The following PEAK1 variants were observed in gnomAD, a reference collection of about 807,000 sequenced individuals.
PEAK1 encodes the protein pseudopodium enriched atypical kinase 1.
Under a neutral mutation model 124.7 loss-of-function variants are expected in PEAK1, and 54 were observed. The observed-to-expected ratio is 0.43, with a 90% CI of 0.35 to 0.54. The LOEUF is 0.54. PEAK1 is among the 20% of genes least tolerant of loss of function. The pLI, the probability that PEAK1 is intolerant of heterozygous loss-of-function variation, is 0.01. For synonymous variants in PEAK1, 719 were observed against 760.0 expected (o/e 0.95, Z 0.89); for missense variants, 2,046 against 2,134.5 (o/e 0.96, Z 0.82).
At chr15:77,334,279 A>C (rs961453031) in intron 2 of PEAK1, 1 of 985,020 alleles carries the variant, frequency 1.0e-6, no homozygotes, top group Non-Finnish European at 1.2e-6. Flanking sequence ...CTGGTAGATC[A>C]CTTGTGCATA....
chr15:77,256,202 G>C (rs536535928), intron 5 of PEAK1, among the ~76,000 whole-genome samples: 1 of 152,124 alleles, frequency 6.6e-6, no homozygotes, highest in African/African-American at 2.4e-5. Context: ...AATTAGCCTT[G>C]CATGACTGAA....
At chr15:77,252,742 A>T (rs1160298527) in intron 5 of PEAK1, among the ~76,000 whole-genome samples, 4 of 152,208 alleles carry the variant, frequency 2.6e-5, no homozygotes, top group African/African-American at 7.2e-5. Flanking sequence ...GTAACTTACA[A>T]GAACCGAAAG....
chr15:77,381,669 T>G (rs2141823260), intron 1 of PEAK1, among the ~76,000 whole-genome samples: 1 of 152,278 alleles, frequency 6.6e-6, no homozygotes, highest in Non-Finnish European at 1.5e-5. Flanking sequence ...TCCCAACATT[T>G]TCTCCAAAAA....
intron 1 of PEAK1, among the ~76,000 whole-genome samples, chr15:77,385,550 A>C (rs182189663): frequency 6.6e-6 from 1 of 152,298 alleles, no homozygotes; most frequent in African/African-American, 2.4e-5. Context: ...AAAGGTAAGG[A>C]CATAGATATG....
At chr15:77,155,173 T>A (rs973039993) in intron 8 of PEAK1, 2 of 152,186 alleles carry the variant, frequency 1.3e-5, no homozygotes, top group African/African-American at 4.8e-5. Flanking sequence ...CTTGGAGGCT[T>A]TGTTCATTTC....
Position 77,133,730 on chromosome 15 carries a change from T to A in PEAK1, c.3352A>T (p.Ile1118Leu), listed in dbSNP as rs754678942. ...SNLGQSRAAMIPPKQPRQPKG... is the reference protein window; with the variant it reads ...SNLGQSRAAMLPPKQPRQPKG... ...GGCTGTCGTGGCTGCTTGGGAGGTA[T>A]CATGGCTGCTCTAGATTGCCCTGTA... Residue 1118 changes from isoleucine to leucine, a missense_variant, in exon 9 of 10, where the codon ATA (isoleucine) becomes TTA (leucine). Ile to Leu is a conservative substitution (Grantham distance 5). Transcript: ENST00000682557. This position sits in a 1 kb window ranked among gnomAD's most constrained non-coding sequence, Gnocchi z 4.2. 6.2e-7 allele frequency: 1 copy of A among 1,605,298 alleles called. No homozygotes were observed. The highest frequency in any genetic ancestry group is 1.1e-5 in the South Asian group (1 of 89,732).
At chr15:77,232,877 C>T (rs748517755) in intron 6 of PEAK1, among the ~76,000 whole-genome samples, 1 of 152,178 alleles carries the variant, frequency 6.6e-6, no homozygotes, top group Non-Finnish European at 1.5e-5. Flanking sequence ...TCCTGAGTAG[C>T]TGGGATAACA....
intron 9 of PEAK1, among the ~76,000 whole-genome samples, chr15:77,129,010 C>T (rs1173317338): frequency 6.6e-6 from 1 of 152,106 alleles, no homozygotes; most frequent in Non-Finnish European, 1.5e-5. Context: ...ATCCTTAACC[C>T]CCAATGTGAG....
At chr15:77,190,547 A>C (rs1348079094) in intron 6 of PEAK1, among the ~76,000 whole-genome samples, 2 of 152,220 alleles carry the variant, frequency 1.3e-5, no homozygotes, top group Non-Finnish European at 2.9e-5. Context: ...GGATCATTGC[A>C]ATGGCCATAT....
At chr15:77,344,503 C>T (rs543870054) in intron 2 of PEAK1, among the ~76,000 whole-genome samples, 2 of 152,320 alleles carry the variant, frequency 1.3e-5, no homozygotes, top group Admixed American at 6.5e-5. Context: ...AGTGAGAGAC[C>T]TCCAACTCTG....
chr15:77,266,491 A>G (rs1313142026), intron 5 of PEAK1, among the ~76,000 whole-genome samples: 2 of 152,146 alleles, frequency 1.3e-5, no homozygotes, highest in Non-Finnish European at 2.9e-5. Flanking sequence ...TCCCCCTGCC[A>G]GGATACTATT....
chr15:77,316,518 T>TA (rs1422871257), intron 2 of PEAK1, among the ~76,000 whole-genome samples: 1 of 152,252 alleles, frequency 6.6e-6, no homozygotes, highest in Non-Finnish European at 1.5e-5. Flanking sequence ...TAGCTCCCTG[T>TA]ACTGCTCTTT....
intron 6 of PEAK1, among the ~76,000 whole-genome samples, chr15:77,242,451 A>G (rs2060400458): frequency 6.6e-6 from 1 of 152,150 alleles, no homozygotes; most frequent in African/African-American, 2.4e-5. Flanking sequence ...TACTGCTTTA[A>G]TAAGACATTA....
chr15:77,293,571 A>T (rs2152982843), intron 2 of PEAK1, among the ~76,000 whole-genome samples: 1 of 152,246 alleles, frequency 6.6e-6, no homozygotes, highest in Middle Eastern at 3.4e-3. Context: ...AGCCCCTCCA[A>T]CGCTGGCCAC....
Position 77,401,356 on chromosome 15 carries a change from A to C in PEAK1, c.-666+18650T>G, listed in dbSNP as rs187786642. 1.2e-4 allele frequency among the ~76,000 whole-genome samples: 19 copies of C among 152,292 alleles called. 1 individual carries two copies. In the East Asian group the frequency reaches 3.5e-3, roughly 28 times the overall value. On this transcript the variant is annotated intron_variant, in intron 1 of 9. Transcript: ENST00000682557. ...TATTTCCTTTCCTGATAGATGTCTA[A>C]TTTGCTGGCAATTTAAGCAGTGGTT...
intron 5 of PEAK1, among the ~76,000 whole-genome samples, chr15:77,253,981 G>A (rs1355327995): frequency 6.6e-6 from 1 of 151,976 alleles, no homozygotes; most frequent in Non-Finnish European, 1.5e-5. Flanking sequence ...ACCATAACTT[G>A]GCTAATTTTT....
intron 5 of PEAK1, among the ~76,000 whole-genome samples, chr15:77,272,291 C>G (rs1469129531): frequency 6.6e-6 from 1 of 151,592 alleles, no homozygotes; most frequent in Non-Finnish European, 1.5e-5. Flanking sequence ...TTCAAACAAA[C>G]AAAAAAATAC....
chr15:77,270,384 C>T (rs942586420), intron 5 of PEAK1, among the ~76,000 whole-genome samples: 15 of 152,234 alleles, frequency 9.9e-5, no homozygotes, highest in South Asian at 2.1e-4. Context: ...AAAACCCCAT[C>T]GTCTCAGCCC....
chr15:77,178,326 A>G (rs2057011930), intron 7 of PEAK1: 2 of 156,178 alleles, frequency 1.3e-5, no homozygotes, highest in Admixed American at 6.5e-5. Context: ...AAAAACAAAT[A>G]TTCCCTTAAA....
Sources: allele counts gnomAD v4.1 joint callset (sites outside exome capture counted in the v4.1 genomes callset), GRCh38; gene constraint gnomAD v4.1.1; non-coding constraint Gnocchi (gnomAD v3.1); transcripts MANE v1.5; gene names NCBI Gene and HGNC (gene_info 2026-07-23, HGNC 2026-07-21).